GMDS: variants seen among roughly 807,000 people sequenced by gnomAD.
GMDS encodes GDP-mannose 4,6-dehydratase.
In GMDS, 20 loss-of-function variants were observed where a neutral mutation model predicts 49.9. The ratio of observed to expected loss-of-function variants is 0.40; its 90% CI spans 0.28 to 0.58. The LOEUF (loss-of-function observed/expected upper bound fraction) is 0.58, where lower values mean the gene tolerates loss of function less well. Among genes scored for constraint, GMDS ranks in the 20% least tolerant of loss-of-function variants. The pLI, the probability that GMDS is intolerant of heterozygous loss-of-function variation, is 0.42. For missense variants in GMDS, 362 were observed against 481.4 expected (o/e 0.75, Z 2.32); for synonymous variants, 177 against 178.6 (o/e 0.99, Z 0.07).
chr6:2,002,531 C>A (rs1244965316), intron 4 of GMDS, among the ~76,000 whole-genome samples: 1 of 152,170 alleles, frequency 6.6e-6, no homozygotes, highest in Non-Finnish European at 1.5e-5. Flanking sequence ...TTGAGGAGTT[C>A]TTTCAATGTC....
chr6:1,709,698 A>T (rs1048690058), intron 9 of GMDS, among the ~76,000 whole-genome samples: 1 of 152,228 alleles, frequency 6.6e-6, no homozygotes, highest in African/African-American at 2.4e-5. Context: ...CTGCCCTTAC[A>T]TGGCTATTTA....
rs570815580 is a variant in GMDS at position 2,079,329 on chromosome 6, G to A, written c.345+36442C>T. 1.1e-4 allele frequency among the ~76,000 whole-genome samples: 17 copies of A among 151,780 alleles called. No homozygotes were observed. The East Asian group carries it at 3.3e-3, about 29-fold the overall frequency. On this transcript the variant is annotated intron_variant, in intron 4 of 10. Transcript: ENST00000380815. ...CCTATTATATTGTTATTGTTTTCTG[G>A]TTTTATATACTCTTCATTCCTTTCT...
chr6:2,185,421 C>G (rs1262157480), intron 1 of GMDS, among the ~76,000 whole-genome samples: 1 of 152,166 alleles, frequency 6.6e-6, no homozygotes, highest in Non-Finnish European at 1.5e-5. Context: ...TGTACACCAA[C>G]CAAATATTTT....
chr6:2,037,164 G>A lies in GMDS; in HGVS notation c.346-76198C>T, dbSNP rs993085449. Among the ~76,000 whole-genome samples, 7 of 152,246 alleles carry A rather than the reference G, an allele frequency of 4.6e-5. No individual in the cohort carries two copies. In the South Asian group the frequency reaches 1.0e-3, roughly 23 times the overall value. On this transcript the variant is annotated intron_variant, in intron 4 of 10. Transcript: ENST00000380815. ...CACTTCATACACTTGGAGCTCTCCCGTGAACTGACAATGCCCCTTCAACTT... is the reference window on the plus strand; with the variant it reads ...CACTTCATACACTTGGAGCTCTCCCATGAACTGACAATGCCCCTTCAACTT...
chr6:1,707,717 C>T (rs1014263598), intron 9 of GMDS, among the ~76,000 whole-genome samples: 1 of 152,186 alleles, frequency 6.6e-6, no homozygotes, highest in African/African-American at 2.4e-5. Context: ...AGGAGCTCTG[C>T]CACTCACCCA....
chr6:1,783,995 A>G (rs1228066654), intron 7 of GMDS, among the ~76,000 whole-genome samples: 4 of 152,254 alleles, frequency 2.6e-5, no homozygotes, highest in African/African-American at 9.6e-5. Flanking sequence ...AAAACCCCAA[A>G]CCATGAACAT....
chr6:1,774,120 G>A (rs1292373841), intron 7 of GMDS, among the ~76,000 whole-genome samples: 1 of 152,238 alleles, frequency 6.6e-6, no homozygotes, highest in Non-Finnish European at 1.5e-5. Context: ...CTATATCAGA[G>A]GCAAGGCCTT....
Position 1,640,591 on chromosome 6 carries a change from A to G in GMDS, c.988-16051T>C, listed in dbSNP as rs1763299844. The stretch of plus-strand genomic sequence containing the variant: ...CCTTCTAGGTGCCCGTTTTGGAGAG[A>G]ATACATTTCTTATAAACAGCAGGGC... On this transcript the variant is annotated intron_variant, in intron 9 of 10. Transcript: ENST00000380815. The surrounding 1 kb of genome is among the most constrained non-coding windows in gnomAD (Gnocchi z 4.0). Among the ~76,000 whole-genome samples, 1 of 152,018 alleles carries G rather than the reference A, an allele frequency of 6.6e-6. No homozygotes were observed. Among genetic ancestry groups the G allele is most frequent in the African/African-American group, 2.4e-5 (1 of 41,378 alleles).
At chr6:1,723,947 A>T (rs1766484047) in intron 9 of GMDS, among the ~76,000 whole-genome samples, 1 of 152,144 alleles carries the variant, frequency 6.6e-6, no homozygotes, top group Admixed American at 6.5e-5. Flanking sequence ...TATAGTCTCC[A>T]GTTCTGGTTA....
chr6:1,951,971 G>C, intron 6 of GMDS: 1 of 982,274 alleles, frequency 1.0e-6, no homozygotes, highest in Non-Finnish European at 1.2e-6. Context: ...GGGTTTCTTT[G>C]CTCAAGTTCA....
chr6:1,806,269 C>A (rs766262316), intron 7 of GMDS, among the ~76,000 whole-genome samples: 8 of 152,104 alleles, frequency 5.3e-5, no homozygotes, highest in African/African-American at 1.9e-4. Context: ...CATAGGCTAA[C>A]GTACTGAATA....
In GMDS at chr6:1,836,290, G is replaced by C. The variant is rs1484740382; in HGVS notation, c.772-93704C>G. Among the ~76,000 whole-genome samples the C allele has an allele frequency of 1.3e-5, 2 of 152,172 alleles. No homozygotes were observed. Among genetic ancestry groups the C allele is most frequent in the East Asian group, 3.8e-4 (2 of 5,206 alleles). ...AAATGAAAGAAAAACTCTGAGACCT[G>C]AACTCAAAATTTGAGGTATGAAAGC... On this transcript the variant is annotated intron_variant, in intron 7 of 10. Transcript: ENST00000380815. This position sits in a 1 kb window ranked among gnomAD's most constrained non-coding sequence, Gnocchi z 4.2.
chr6:1,984,151 A>G (rs62390682), intron 4 of GMDS, among the ~76,000 whole-genome samples: 1 of 152,034 alleles, frequency 6.6e-6, no homozygotes, highest in South Asian at 2.1e-4. Flanking sequence ...GTTCTCACTT[A>G]TAAGTGGGAG....
At chr6:1,805,470 C>A (rs1340424774) in intron 7 of GMDS, among the ~76,000 whole-genome samples, 1 of 152,184 alleles carries the variant, frequency 6.6e-6, no homozygotes, top group Non-Finnish European at 1.5e-5. Flanking sequence ...ATGGTCCAGG[C>A]ACCTCTGGAG....
chr6:2,155,070 A>AT (rs911855192), intron 1 of GMDS, among the ~76,000 whole-genome samples: 1 of 152,048 alleles, frequency 6.6e-6, no homozygotes, highest in Non-Finnish European at 1.5e-5. Context: ...ATCATACTTC[A>AT]TTTTTTATAT....
intron 4 of GMDS, among the ~76,000 whole-genome samples, chr6:2,060,517 T>C (rs1008461898): frequency 2.0e-5 from 3 of 152,196 alleles, no homozygotes; most frequent in African/African-American, 7.2e-5. Context: ...CATTCTAGCT[T>C]ATCCATTCTA....
intron 10 of GMDS, 80 bp downstream of exon 10, chr6:1,624,392 T>C: frequency 7.3e-7 from 1 of 1,373,410 alleles, no homozygotes; most frequent in Non-Finnish European, 1.0e-6. Flanking sequence ...CGCAGGCGCC[T>C]CAGGCGCCCG....
At chr6:2,058,383 G>A (rs1300691417) in intron 4 of GMDS, among the ~76,000 whole-genome samples, 1 of 148,502 alleles carries the variant, frequency 6.7e-6, no homozygotes, top group Non-Finnish European at 1.5e-5. Context: ...TGCATTAGAA[G>A]GAGGAAAAAT....
chr6:1,850,619 T>A (rs11967089), intron 7 of GMDS, among the ~76,000 whole-genome samples: 4,285 of 152,122 alleles, frequency 0.028, 199 homozygotes, highest in African/African-American at 0.097. Context: ...GAATTGGAGA[T>A]GCATTAATTT....
Sources: allele counts gnomAD v4.1 joint callset (sites outside exome capture counted in the v4.1 genomes callset), GRCh38; gene constraint gnomAD v4.1.1; non-coding constraint Gnocchi (gnomAD v3.1); transcripts MANE v1.5; gene names NCBI Gene and HGNC (gene_info 2026-07-23, HGNC 2026-07-21).